NEK2: variants seen among roughly 807,000 people sequenced by gnomAD.
NEK2 encodes the protein serine/threonine-protein kinase Nek2.
A neutral mutation model predicts 54.1 loss-of-function variants in NEK2; 28 were observed. The ratio of observed to expected loss-of-function variants is 0.52; its 90% confidence interval spans 0.38 to 0.71. NEK2 has a LOEUF of 0.71. NEK2 is among the 30% of genes least tolerant of loss of function. The probability of loss-of-function intolerance (pLI) is 0.00; values close to 1 mark genes in which losing one functional copy is unlikely to be tolerated. For synonymous variants in NEK2, 176 were observed against 193.1 expected (o/e 0.91, Z 0.73); for missense variants, 407 against 531.5 (o/e 0.77, Z 2.30).
intron 5 of NEK2, 82 bp downstream of exon 5, chr1:211,670,199 C>T: frequency 7.6e-7 from 1 of 1,315,232 alleles, no homozygotes; most frequent in Non-Finnish European, 1.1e-6. Flanking sequence ...CTTCAGTCTC[C>T]ATTGATCTAC....
At chr1:211,659,278 T>C (rs775864960), downstream of NEK2, among the ~76,000 whole-genome samples, 1 of 152,114 alleles carries the variant, frequency 6.6e-6, no homozygotes, top group Non-Finnish European at 1.5e-5. Flanking sequence ...GACTGGATTA[T>C]GGGCAATTGC....
chr1:211,671,327 T>C (rs757398425), intron 3 of NEK2, 43 bp from the exon 4 acceptor site: 2 of 1,436,498 alleles, frequency 1.4e-6, no homozygotes, highest in Non-Finnish European at 2.0e-6. Context: ...GTGTTAAGAG[T>C]TTATTTTGTT....
chr1:211,662,406 G>A (rs1163791622), downstream of NEK2, among the ~76,000 whole-genome samples: 1 of 152,250 alleles, frequency 6.6e-6, no homozygotes, highest in Admixed American at 6.5e-5. This position sits in a 1 kb window ranked among gnomAD's most constrained non-coding sequence, Gnocchi z 4.2. Context: ...GTATCATTCA[G>A]GATTATGATC....
intron 7 of NEK2, among the ~76,000 whole-genome samples, chr1:211,665,701 A>G (rs552177846): frequency 6.3e-4 from 96 of 152,350 alleles, no homozygotes; most frequent in African/African-American, 2.3e-3. Context: ...GGGAAAAAAG[A>G]AGGTATTTTA....
chr1:211,670,257 A>G, intron 5 of NEK2, 24 bp downstream of exon 5: 5 of 1,597,764 alleles, frequency 3.1e-6, no homozygotes, highest in Non-Finnish European at 4.3e-6. Context: ...AGAAACAGAC[A>G]ATATATCATC....
chr1:211,662,789 A>G lies in NEK2; in HGVS notation c.*637T>C, dbSNP rs974393294. 5.1e-6 allele frequency: 5 copies of G among 985,514 alleles called. No homozygotes were observed. 61.0% of individuals were successfully genotyped at this position (985,514 alleles called of 1,614,324 possible). On this transcript the variant is annotated 3_prime_UTR_variant, in exon 8 of 8. Coordinates refer to ENST00000366999, the MANE Select transcript of NEK2 (RefSeq NM_002497.4). The surrounding 1 kb of genome is among the most constrained non-coding windows in gnomAD (Gnocchi z 4.2). The stretch of plus-strand genomic sequence containing the variant: ...CACATAACTACAGGGAAACTGAAGA[A>G]TTCTTTTATTTAGTGGGAAAGAAGT...
At chr1:211,658,887 T>G (rs887146494), downstream of NEK2, among the ~76,000 whole-genome samples, 1 of 152,076 alleles carries the variant, frequency 6.6e-6, no homozygotes, top group Admixed American at 6.5e-5. Flanking sequence ...ATGAGATCTA[T>G]CAAAAACAGG....
intron 4 of NEK2, 78 bp from the exon 5 acceptor site, chr1:211,670,485 T>C: frequency 6.9e-7 from 1 of 1,448,810 alleles, no homozygotes; most frequent in Admixed American, 2.1e-5. Context: ...AGGAACTAAA[T>C]CAAAAGCACA....
chr1:211,659,533 G>A (rs2102435933), downstream of NEK2, among the ~76,000 whole-genome samples: 1 of 152,176 alleles, frequency 6.6e-6, no homozygotes, highest in Middle Eastern at 3.4e-3. Flanking sequence ...GTTGTTTTGG[G>A]TACTCAGAAA....
intron 3 of NEK2, among the ~76,000 whole-genome samples, chr1:211,672,324 G>T (rs1655415987): frequency 6.6e-6 from 1 of 151,924 alleles, no homozygotes; most frequent in Admixed American, 6.6e-5. Context: ...TACACTCCAA[G>T]GAAATAACCA....
At chr1:211,658,800 C>T (rs1237918945), downstream of NEK2, 10 of 287,546 alleles carry the variant, frequency 3.5e-5, no homozygotes, top group Non-Finnish European at 6.9e-5. Flanking sequence ...ATGCATATCC[C>T]CATGGTTGGT....
intron 4 of NEK2, among the ~76,000 whole-genome samples, chr1:211,670,658 C>T (rs1655345962): frequency 6.6e-6 from 1 of 152,168 alleles, no homozygotes; most frequent in Admixed American, 6.5e-5. Context: ...GCCCTCTACC[C>T]TCTAGATGCC....
downstream of NEK2, chr1:211,660,796 T>TA: frequency 2.9e-6 from 2 of 699,406 alleles, no homozygotes; most frequent in South Asian, 2.8e-5. Context: ...CAGGTTCAGG[T>TA]AATAGGGCTG....
At chr1:211,668,786 G>A (rs938623809) in intron 6 of NEK2, among the ~76,000 whole-genome samples, 2 of 151,934 alleles carry the variant, frequency 1.3e-5, no homozygotes, top group Admixed American at 1.3e-4. Context: ...CTTTACAGTG[G>A]GAAAACATTA....
intron 2 of NEK2, among the ~76,000 whole-genome samples, chr1:211,673,984 C>G (rs1000674023): frequency 6.6e-6 from 1 of 152,094 alleles, no homozygotes; most frequent in Non-Finnish European, 1.5e-5. Context: ...GTCACTATAC[C>G]TGGCTAATTT....
chr1:211,668,041 C>T (rs1438305679), intron 6 of NEK2, among the ~76,000 whole-genome samples: 1 of 149,346 alleles, frequency 6.7e-6, no homozygotes, highest in Non-Finnish European at 1.5e-5. Context: ...AGTGAAATTC[C>T]ATCTCAAAAA....
chr1:211,667,324 G>A lies in NEK2; in HGVS notation c.986-93C>T, dbSNP rs2102441799. On this transcript the variant is annotated intron_variant, in intron 6 of 7. Coordinates refer to ENST00000366999, the MANE Select transcript of NEK2 (RefSeq NM_002497.4). ...TTGGCAATCTTATCACTACTAGCAT[G>A]CCTGATACTGATAAGCAATGTTTGG... 3.5e-6 allele frequency: 4 copies of A among 1,159,112 alleles called. No individual in the cohort carries two copies. The East Asian group carries it at 9.9e-5, about 29-fold the overall frequency. The allele number at this position is 1,159,112 out of a possible 1,614,324, so 71.8% of individuals were successfully genotyped here.
At position 211,663,128 on chromosome 1, in the gene NEK2, C is replaced by T. The variant is rs181831549; in HGVS notation, c.*298G>A. 163 of 1,111,038 alleles carry T rather than the reference C, an allele frequency of 1.5e-4. 1 individual carries two copies. The African/African-American group carries it at 2.5e-3, about 17-fold the overall frequency. 68.8% of individuals were successfully genotyped at this position (1,111,038 alleles called of 1,614,324 possible). On this transcript the variant is annotated 3_prime_UTR_variant, in exon 8 of 8. Transcript: ENST00000366999. ...TTTTTTCCTAACATTATTTTTTCTC[C>T]CAAGATTTAGAATGTCACATCTCAT...
downstream of NEK2, among the ~76,000 whole-genome samples, chr1:211,659,792 T>C (rs772025396): frequency 7.9e-5 from 12 of 151,514 alleles, no homozygotes; most frequent in South Asian, 4.2e-4. Context: ...ATACATACTG[T>C]ACACAAGGAA....
Sources: gnomAD v4.1 joint callset for allele counts (sites outside exome capture counted in the v4.1 genomes callset) on GRCh38, gnomAD v4.1.1 for gene constraint, Gnocchi (gnomAD v3.1) non-coding constraint, MANE v1.5 for transcripts, NCBI Gene and HGNC (gene_info 2026-07-23, HGNC 2026-07-21) for gene names.